The following DYNC2I1 variants were observed in gnomAD, a reference collection of about 807,000 sequenced individuals.
DYNC2I1 encodes dynein 2 intermediate chain 1, also known as cytoplasmic dynein 2 intermediate chain 1.
Under a neutral mutation model 133.4 loss-of-function variants are expected in DYNC2I1, and 89 were observed. That is an observed-to-expected ratio of 0.67 (90% confidence interval 0.56 to 0.80). The LOEUF is 0.80. Ranked by LOEUF, DYNC2I1 falls within the 30% of genes least tolerant of loss-of-function variation. The pLI is 0.00. For missense variants in DYNC2I1, 1,291 were observed against 1,314.5 expected (o/e 0.98, Z 0.28); for synonymous variants, 504 against 484.3 (o/e 1.04, Z -0.54).
In DYNC2I1 at chr7:158,883,700, G is replaced by C. The variant is rs539015636; in HGVS notation, c.880-864G>C. 5.8e-5 allele frequency among the ~76,000 whole-genome samples: 6 copies of C among 103,920 alleles called. No individual in the cohort carries two copies. The South Asian group carries it at 9.2e-4, about 16-fold the overall frequency. The allele number at this position is 103,920 out of a possible 152,430, so 68.2% of individuals were successfully genotyped here. ...TTTTTTTGAGACGGAGTCTTGCTCTGTTGCCCAGGCTGGAGTGCATTGGCG... is the reference window on the plus strand; with the variant it reads ...TTTTTTTGAGACGGAGTCTTGCTCTCTTGCCCAGGCTGGAGTGCATTGGCG... On this transcript the variant is annotated intron_variant, in intron 5 of 24. Transcript: ENST00000407559.
chr7:158,866,531 C>A (rs1327595820), intron 1 of DYNC2I1, among the ~76,000 whole-genome samples: 1 of 152,052 alleles, frequency 6.6e-6, no homozygotes, highest in Non-Finnish European at 1.5e-5. Context: ...GTCCTGGGTT[C>A]CATTCAGCCC....
chr7:158,882,224 T>A (rs1337884950), intron 5 of DYNC2I1, among the ~76,000 whole-genome samples: 1 of 152,090 alleles, frequency 6.6e-6, no homozygotes, highest in African/African-American at 2.4e-5. Context: ...AAACAAAAAT[T>A]ACTGTTCTTA....
At chr7:158,861,632 C>T (rs943070075) in intron 1 of DYNC2I1, among the ~76,000 whole-genome samples, 6 of 152,172 alleles carry the variant, frequency 3.9e-5, no homozygotes, top group East Asian at 3.8e-4. Context: ...GTAGCTTTGA[C>T]GTAGCAGCTC....
Position 158,922,406 on chromosome 7 carries a change from C to T in DYNC2I1, c.1951C>T (p.Arg651Ter), listed in dbSNP as rs756440663. The change falls in exon 16 of 25, where the codon CGA (arginine) becomes TGA (stop). Residue 651 changes from arginine (R) to a stop codon, truncating the protein, a stop_gained. Transcript: ENST00000407559. LOFTEE classifies it high-confidence loss of function. ...AAAAGTATCCTCCTTGCACACCTCC[C>T]GAGTTCAGAGGCAGATGGTGGTCTC... ...NRKVSSLHTS[R>*]VQRQMVVSVH... 8 of 1,613,940 alleles carry T rather than the reference C, an allele frequency of 5.0e-6. No homozygotes were observed. Among genetic ancestry groups the T allele is most frequent in the East Asian group, 2.2e-5 (1 of 44,874 alleles).
intron 11 of DYNC2I1, among the ~76,000 whole-genome samples, chr7:158,908,279 A>T (rs1050650169): frequency 2.5e-4 from 37 of 149,412 alleles, no homozygotes; most frequent in Admixed American, 4.0e-4. Context: ...AAATGGATTT[A>T]AAAAAAAAAT....
rs1390113291 is a variant in DYNC2I1, at chr7:158,878,442, T to C, written c.574-1242T>C. Among the ~76,000 whole-genome samples the C allele has an allele frequency of 2.7e-4, 28 of 105,462 alleles. 2 individuals are homozygous for C. The highest frequency in any genetic ancestry group is 4.1e-4 in the Admixed American group (4 of 9,700). The allele number at this position is 105,462 out of a possible 152,430, so 69.2% of individuals were successfully genotyped here. On this transcript the variant is annotated intron_variant, in intron 4 of 24. Transcript: ENST00000407559. ...GGCCGACTGTGAGTGCCGGGCGCCA[T>C]GTGGGGTGGCCAGGAGGGCCGACAG...
At chr7:158,905,578 TTAAG>T (rs1187330351) in intron 10 of DYNC2I1, among the ~76,000 whole-genome samples, 4 of 152,248 alleles carry the variant, frequency 2.6e-5, no homozygotes, top group African/African-American at 9.6e-5. Context: ...CTTTGACATA[TTAAG>T]TAATTGATTC....
At chr7:158,905,469 C>A (rs914403339) in intron 10 of DYNC2I1, among the ~76,000 whole-genome samples, 1 of 152,144 alleles carries the variant, frequency 6.6e-6, no homozygotes, top group African/African-American at 2.4e-5. Context: ...TAATATGAAC[C>A]TTTTCCATCA....
the DYNC2I1 span, among the ~76,000 whole-genome samples, chr7:158,841,194 TATATATATATATATATATA>T: frequency 1.2e-4 from 11 of 92,108 alleles, 1 homozygote; most frequent in African/African-American, 5.7e-4. Context: ...TATATATATA[TATATATATATATATATATA>T]TATATATATT....
At chr7:158,916,442 C>T (rs1211311512) in intron 14 of DYNC2I1, among the ~76,000 whole-genome samples, 1 of 73,472 alleles carries the variant, frequency 1.4e-5, no homozygotes. Context: ...TGTGAAACGT[C>T]GACACGCTGG....
chr7:158,898,239 C>T (rs1169273979), intron 8 of DYNC2I1, among the ~76,000 whole-genome samples: 1 of 152,150 alleles, frequency 6.6e-6, no homozygotes, highest in East Asian at 1.9e-4. Flanking sequence ...TCTAACGCTG[C>T]CCATTATACC....
At chr7:158,860,108 T>TG (rs1272233476) in intron 1 of DYNC2I1, among the ~76,000 whole-genome samples, 7 of 151,418 alleles carry the variant, frequency 4.6e-5, no homozygotes, top group African/African-American at 1.7e-4. Flanking sequence ...TAGGCTGGAG[T>TG]GCAGTGGTAT....
intron 7 of DYNC2I1, among the ~76,000 whole-genome samples, chr7:158,890,585 T>C (rs1845106569): frequency 1.3e-5 from 2 of 152,152 alleles, no homozygotes; most frequent in Admixed American, 1.3e-4. Context: ...CTGCCTAGTT[T>C]TGGGTAGTGA....
chr7:158,952,140 A>G (rs1452687492), intron 4 of DYNC2I1, among the ~76,000 whole-genome samples: 6 of 152,160 alleles, frequency 3.9e-5, no homozygotes, highest in African/African-American at 1.2e-4. Flanking sequence ...AGAAGAGCCC[A>G]GAGGGGCTTC....
upstream of DYNC2I1, among the ~76,000 whole-genome samples, chr7:158,855,391 C>G (rs926761559): frequency 6.6e-6 from 1 of 152,110 alleles, no homozygotes; most frequent in African/African-American, 2.4e-5. Context: ...CCATCAAGTG[C>G]AGGTTCTGCA....
intron 3 of DYNC2I1, among the ~76,000 whole-genome samples, chr7:158,872,308 CCT>C (rs1842958127): frequency 1.3e-5 from 2 of 151,656 alleles, no homozygotes; most frequent in South Asian, 4.2e-4. Flanking sequence ...AGAGTGAGAC[CCT>C]GTCTCAAAAG....
chr7:158,928,331 C>T (rs1849833065), intron 20 of DYNC2I1, among the ~76,000 whole-genome samples: 1 of 152,134 alleles, frequency 6.6e-6, no homozygotes, highest in African/African-American at 2.4e-5. Flanking sequence ...ATGACAAACC[C>T]CCCTTTCACC....
chr7:158,885,885 G>A (rs1844549827), intron 6 of DYNC2I1, among the ~76,000 whole-genome samples: 1 of 151,874 alleles, frequency 6.6e-6, no homozygotes, highest in African/African-American at 2.4e-5. Flanking sequence ...ATGGTATATT[G>A]ATATGAATGA....
intron 5 of DYNC2I1, among the ~76,000 whole-genome samples, chr7:158,880,451 C>T (rs945361154): frequency 6.6e-6 from 1 of 151,818 alleles, no homozygotes; most frequent in Non-Finnish European, 1.5e-5. Context: ...GTAGGAGAAT[C>T]GCTGGAATCT....
Sources: gnomAD v4.1 joint callset for allele counts (sites outside exome capture counted in the v4.1 genomes callset) on GRCh38, gnomAD v4.1.1 for gene constraint, MANE v1.5 for transcripts, NCBI Gene and HGNC (gene_info 2026-07-23, HGNC 2026-07-21) for gene names.